Variants in CCDC30 observed in about 807,000 individuals in gnomAD.
CCDC30 encodes the protein coiled-coil domain-containing protein 30.
CCDC30 carries 70 observed loss-of-function variants against 100.2 expected under a neutral mutation model. The observed-to-expected ratio is 0.70, with a 90% confidence interval of 0.58 to 0.85. The LOEUF is 0.85. Among genes scored for constraint, CCDC30 ranks in the 40% least tolerant of loss-of-function variants. The pLI, the probability that CCDC30 is intolerant of heterozygous loss-of-function variation, is 0.00. For synonymous variants in CCDC30, 233 were observed against 269.5 expected (o/e 0.86, Z 1.33); for missense variants, 652 against 771.2 (o/e 0.85, Z 1.83).
chr1:42,482,519 A>ACACACACACACT (rs1643977242), intron 2 of CCDC30, 144 bp from the exon 3 acceptor site: 1 of 403,794 alleles, frequency 2.5e-6, no homozygotes, highest in East Asian at 3.8e-5. Flanking sequence ...ACACACACAT[A>ACACACACACACT]CACACACACA....
intron 11 of CCDC30, among the ~76,000 whole-genome samples, chr1:42,633,476 T>A (rs1647080855): frequency 6.6e-6 from 1 of 152,206 alleles, no homozygotes; most frequent in Non-Finnish European, 1.5e-5. Flanking sequence ...TCTAAGGGCC[T>A]CCAGACACCA....
At chr1:42,551,211 G>A (rs1645245575) in intron 6 of CCDC30, among the ~76,000 whole-genome samples, 1 of 152,042 alleles carries the variant, frequency 6.6e-6, no homozygotes, top group Non-Finnish European at 1.5e-5. Flanking sequence ...GTAGGTGGAA[G>A]ATACAGGACT....
intron 11 of CCDC30, among the ~76,000 whole-genome samples, chr1:42,636,169 C>T (rs1647151515): frequency 6.6e-6 from 1 of 152,084 alleles, no homozygotes; most frequent in Non-Finnish European, 1.5e-5. Flanking sequence ...CCTGTAATCC[C>T]AGCACTTTGG....
At chr1:42,465,310 CA>C (rs1003626532) in intron 1 of CCDC30, among the ~76,000 whole-genome samples, 2 of 151,546 alleles carry the variant, frequency 1.3e-5, no homozygotes, top group Admixed American at 6.6e-5. Flanking sequence ...GACCCTGTCT[CA>C]AAAAAAATAA....
chr1:42,466,023 A>G (rs1199378391), intron 1 of CCDC30, among the ~76,000 whole-genome samples: 2 of 152,202 alleles, frequency 1.3e-5, no homozygotes, highest in East Asian at 3.8e-4. Context: ...TCAACTTTTG[A>G]AAAAAGTATA....
intron 11 of CCDC30, among the ~76,000 whole-genome samples, chr1:42,611,511 A>G (rs987034943): frequency 2.6e-5 from 4 of 151,806 alleles, no homozygotes; most frequent in Non-Finnish European, 1.5e-5. Flanking sequence ...ATATATAATG[A>G]TATACCTATT....
At chr1:42,536,118 A>G (rs1445936203) in intron 6 of CCDC30, among the ~76,000 whole-genome samples, 1 of 152,166 alleles carries the variant, frequency 6.6e-6, no homozygotes, top group Admixed American at 6.5e-5. Flanking sequence ...TAAGTCCTCA[A>G]TATAAAGTAG....
At chr1:42,625,680 C>T (rs115255213) in intron 11 of CCDC30, among the ~76,000 whole-genome samples, 1,914 of 151,882 alleles carry the variant, frequency 0.013, 42 homozygotes, top group African/African-American at 0.043. Flanking sequence ...ATTCCTCTTG[C>T]TGTTTATTTC....
At chr1:42,487,462 G>A (rs1203346540) in intron 3 of CCDC30, among the ~76,000 whole-genome samples, 1 of 152,066 alleles carries the variant, frequency 6.6e-6, no homozygotes, top group Non-Finnish European at 1.5e-5. Context: ...AGATGCTGCT[G>A]TGAAGAGATT....
Position 42,546,337 on chromosome 1 carries a change from A to G in CCDC30, c.457-19959A>G, listed in dbSNP as rs1381222211. Among the ~76,000 whole-genome samples the G allele has an allele frequency of 2.1e-4, 31 of 144,894 alleles. No homozygotes were observed. The East Asian group carries it at 6.0e-3, about 28-fold the overall frequency. On this transcript the variant is annotated intron_variant, in intron 6 of 16. Coordinates refer to ENST00000668663, the Ensembl canonical transcript of CCDC30. ...AAGGTGGAGGTTGCGGTGAGCCGAG[A>G]TCACGCCATTGCACTCCAGCCTGGG...
At chr1:42,456,428 G>A in the CCDC30 span, 1 of 935,714 alleles carries the variant, frequency 1.1e-6, no homozygotes, top group Non-Finnish European at 1.5e-6. Context: ...TCCAGACTTG[G>A]CGAGATCGGG....
At chr1:42,519,714 G>A (rs1644606955) in intron 6 of CCDC30, among the ~76,000 whole-genome samples, 1 of 152,034 alleles carries the variant, frequency 6.6e-6, no homozygotes, top group South Asian at 2.1e-4. Flanking sequence ...ACCATGCCTG[G>A]CTAATTTTTT....
the CCDC30 span, chr1:42,457,154 C>G: frequency 1.3e-6 from 2 of 1,593,848 alleles, no homozygotes; most frequent in Admixed American, 3.4e-5. Context: ...TCCTGCTTAC[C>G]CACGGATCTC....
At chr1:42,471,060 A>G (rs549591648) in intron 1 of CCDC30, among the ~76,000 whole-genome samples, 2 of 152,340 alleles carry the variant, frequency 1.3e-5, no homozygotes, top group Non-Finnish European at 2.9e-5. Flanking sequence ...ACATTAGCTC[A>G]GGCTGTTGAT....
the CCDC30 span, chr1:42,456,729 G>A: frequency 6.2e-7 from 1 of 1,609,900 alleles, no homozygotes; most frequent in Non-Finnish European, 8.5e-7. Context: ...CGGCCGGTGC[G>A]CTTCCTGGAC....
At chr1:42,552,644 G>C (rs576803554) in intron 6 of CCDC30, among the ~76,000 whole-genome samples, 3 of 152,236 alleles carry the variant, frequency 2.0e-5, no homozygotes, top group East Asian at 1.9e-4. Flanking sequence ...CAGGAGGAAG[G>C]GTTCCTTATT....
chr1:42,494,445 G>A (rs1371651612), intron 4 of CCDC30, among the ~76,000 whole-genome samples: 2 of 151,988 alleles, frequency 1.3e-5, no homozygotes, highest in Non-Finnish European at 2.9e-5. Context: ...ATAGGCATGG[G>A]CAAGGACTTC....
At chr1:42,634,431 A>C (rs1647109442) in intron 11 of CCDC30, among the ~76,000 whole-genome samples, 3 of 152,134 alleles carry the variant, frequency 2.0e-5, no homozygotes, top group African/African-American at 7.2e-5. Context: ...TTCCACAGCA[A>C]ATATTTATCA....
intron 11 of CCDC30, among the ~76,000 whole-genome samples, chr1:42,623,914 T>C (rs1646885900): frequency 6.6e-6 from 1 of 152,180 alleles, no homozygotes; most frequent in South Asian, 2.1e-4. Flanking sequence ...CTTTCATTAG[T>C]GTTCTATAGT....
Sources: allele counts gnomAD v4.1 joint callset (sites outside exome capture counted in the v4.1 genomes callset), GRCh38; gene constraint gnomAD v4.1.1; transcripts MANE v1.5; gene names NCBI Gene and HGNC (gene_info 2026-07-23, HGNC 2026-07-21).